DGKB: variants seen among roughly 807,000 people sequenced by gnomAD.
DGKB encodes the protein 90 kDa diacylglycerol kinase.
A neutral mutation model predicts 114.3 loss-of-function variants in DGKB; 67 were observed. The ratio of observed to expected loss-of-function variants is 0.59; its 90% CI spans 0.48 to 0.72. The LOEUF is 0.72. Ranked by LOEUF, DGKB falls within the 30% of genes least tolerant of loss-of-function variation. DGKB has a pLI of 0.00. For synonymous variants in DGKB, 398 were observed against 323.1 expected (o/e 1.23, Z -2.49); for missense variants, 907 against 975.2 (o/e 0.93, Z 0.93).
chr7:14,955,875 T>A (rs1786473755), intron 1 of DGKB, among the ~76,000 whole-genome samples: 1 of 151,952 alleles, frequency 6.6e-6, no homozygotes, highest in African/African-American at 2.4e-5. Flanking sequence ...ATTTGAAGGA[T>A]CCTCATAACC....
intron 21 of DGKB, among the ~76,000 whole-genome samples, chr7:14,404,325 T>A (rs1823598575): frequency 6.6e-6 from 1 of 151,738 alleles, no homozygotes; most frequent in African/African-American, 2.4e-5. Flanking sequence ...ACAAGAAATG[T>A]TATCATGACC....
At chr7:14,162,567 A>G (rs1784061598) in intron 25 of DGKB, among the ~76,000 whole-genome samples, 1 of 152,186 alleles carries the variant, frequency 6.6e-6, no homozygotes, top group Admixed American at 6.5e-5. Context: ...ACATGAGAAT[A>G]TGATTATGAG....
At chr7:14,554,806 T>C (rs1330230464) in intron 20 of DGKB, among the ~76,000 whole-genome samples, 1 of 152,156 alleles carries the variant, frequency 6.6e-6, no homozygotes, top group Non-Finnish European at 1.5e-5. Flanking sequence ...TTAGGGATTT[T>C]TTTCATCTGG....
intron 1 of DGKB, among the ~76,000 whole-genome samples, chr7:14,846,645 A>C (rs1333838445): frequency 1.3e-5 from 2 of 152,220 alleles, no homozygotes; most frequent in Non-Finnish European, 2.9e-5. Context: ...CTTTAGGCAC[A>C]TAAAATGAGT....
intron 23 of DGKB, among the ~76,000 whole-genome samples, chr7:14,300,328 TGAG>T (rs1364010960): frequency 6.6e-6 from 1 of 152,098 alleles, no homozygotes; most frequent in Non-Finnish European, 1.5e-5. Context: ...GTGCTCTAGG[TGAG>T]GCATGAACTT....
intron 8 of DGKB, 129 bp downstream of exon 8, chr7:14,697,966 A>G (rs1215837513): frequency 1.7e-6 from 1 of 579,226 alleles, no homozygotes; most frequent in Non-Finnish European, 3.1e-6. Context: ...AGAAGGAAGG[A>G]AAGAAAGAAA....
chr7:14,947,444 T>G (rs936397038), intron 1 of DGKB, among the ~76,000 whole-genome samples: 3 of 151,744 alleles, frequency 2.0e-5, no homozygotes, highest in Non-Finnish European at 4.4e-5. Context: ...ATCCTTAATT[T>G]TTTGAAACAT....
At chr7:14,953,105 T>C (rs1472639749) in intron 1 of DGKB, among the ~76,000 whole-genome samples, 1 of 151,992 alleles carries the variant, frequency 6.6e-6, no homozygotes, top group Non-Finnish European at 1.5e-5. Context: ...ACTATAAAAT[T>C]ATTAGAGAAA....
intron 1 of DGKB, among the ~76,000 whole-genome samples, chr7:14,881,872 C>G (rs1286195789): frequency 6.6e-6 from 1 of 151,978 alleles, no homozygotes; most frequent in Non-Finnish European, 1.5e-5. Flanking sequence ...GCCTTGTACA[C>G]CATTAACCAC....
intron 4 of DGKB, among the ~76,000 whole-genome samples, chr7:14,741,388 G>A (rs989113567): frequency 6.6e-6 from 1 of 152,166 alleles, no homozygotes; most frequent in African/African-American, 2.4e-5. Flanking sequence ...CCAATCTGTT[G>A]TGCTCTGCAT....
At chr7:14,594,178 T>C (rs1321262799) in intron 17 of DGKB, among the ~76,000 whole-genome samples, 1 of 152,120 alleles carries the variant, frequency 6.6e-6, no homozygotes, top group African/African-American at 2.4e-5. Flanking sequence ...TTTTCTCTCA[T>C]CTGTAAGTGT....
At chr7:14,549,907 G>A (rs1360302971) in intron 20 of DGKB, among the ~76,000 whole-genome samples, 3 of 152,036 alleles carry the variant, frequency 2.0e-5, no homozygotes, top group East Asian at 3.9e-4. Context: ...AGAATCACTT[G>A]AACCCTGGGA....
intron 23 of DGKB, among the ~76,000 whole-genome samples, chr7:14,224,358 T>C (rs977890400): frequency 2.0e-5 from 3 of 152,078 alleles, no homozygotes; most frequent in Admixed American, 1.3e-4. Context: ...TTTTTATGTA[T>C]AATGTATTGA....
At chr7:14,582,447 T>C (rs1800076094) in intron 18 of DGKB, among the ~76,000 whole-genome samples, 1 of 152,200 alleles carries the variant, frequency 6.6e-6, no homozygotes, top group South Asian at 2.1e-4. Context: ...AAGGCTTAAC[T>C]GTGCATTCTA....
At chr7:14,347,514 A>G (rs1812682778) in intron 21 of DGKB, among the ~76,000 whole-genome samples, 1 of 152,036 alleles carries the variant, frequency 6.6e-6, no homozygotes, top group Non-Finnish European at 1.5e-5. Flanking sequence ...GAAGGAAGCC[A>G]GAACAGAAAG....
chr7:14,830,390 A>AT (rs1474954399), intron 2 of DGKB, among the ~76,000 whole-genome samples: 1 of 2,612 alleles, frequency 3.8e-4, no homozygotes, highest in East Asian at 0.5. Flanking sequence ...CAGAAATTTC[A>AT]AAAAAAATAC....
At chr7:14,152,631 C>G (rs1782390644) in intron 25 of DGKB, among the ~76,000 whole-genome samples, 1 of 152,000 alleles carries the variant, frequency 6.6e-6, no homozygotes, top group Non-Finnish European at 1.5e-5. Flanking sequence ...TAAGACTGGC[C>G]ACTTCAAAAA....
At chr7:14,733,384 T>C (rs960755865) in intron 5 of DGKB, among the ~76,000 whole-genome samples, 6 of 152,176 alleles carry the variant, frequency 3.9e-5, no homozygotes, top group Non-Finnish European at 7.3e-5. Flanking sequence ...AAAAATAAGT[T>C]ACATCATTAA....
intron 17 of DGKB, among the ~76,000 whole-genome samples, chr7:14,600,960 C>G (rs1803433896): frequency 6.6e-6 from 1 of 152,138 alleles, no homozygotes; most frequent in South Asian, 2.1e-4. Flanking sequence ...CATAGCTCCA[C>G]TAGGCATTGT....
Sources: gnomAD v4.1 joint callset for allele counts (sites outside exome capture counted in the v4.1 genomes callset) on GRCh38, gnomAD v4.1.1 for gene constraint, MANE v1.5 for transcripts, NCBI Gene and HGNC (gene_info 2026-07-23, HGNC 2026-07-21) for gene names.